Variants in PDE10A observed in about 807,000 individuals in gnomAD.
PDE10A encodes cAMP and cAMP-inhibited cGMP 3',5'-cyclic phosphodiesterase 10A.
PDE10A carries 39 observed loss-of-function variants against 97.7 expected under a neutral mutation model. The observed-to-expected ratio is 0.40, with a 90% CI of 0.31 to 0.52. The LOEUF is 0.52. Among genes scored for constraint, PDE10A ranks in the 20% least tolerant of loss-of-function variants. The probability of loss-of-function intolerance (pLI) is 0.56; values close to 1 mark genes in which losing one functional copy is unlikely to be tolerated. For synonymous variants in PDE10A, 371 were observed against 376.8 expected (o/e 0.98, Z 0.18); for missense variants, 731 against 1,047.8 (o/e 0.70, Z 4.17).
intron 1 of PDE10A, among the ~76,000 whole-genome samples, chr6:165,712,930 G>A (rs1267549656): frequency 6.6e-6 from 1 of 152,154 alleles, no homozygotes; most frequent in Non-Finnish European, 1.5e-5. Context: ...ATGAGCCACC[G>A]CACCCGGCCC....
At chr6:165,589,257 A>C (rs1786104674) in intron 1 of PDE10A, among the ~76,000 whole-genome samples, 2 of 152,216 alleles carry the variant, frequency 1.3e-5, no homozygotes, top group Admixed American at 6.5e-5. Flanking sequence ...AATGACAATG[A>C]GTATCAGCTG....
At chr6:165,932,439 G>A (rs896012680) in intron 1 of PDE10A, among the ~76,000 whole-genome samples, 6 of 151,974 alleles carry the variant, frequency 3.9e-5, no homozygotes, top group Non-Finnish European at 8.8e-5. Context: ...GAGTTCAAGC[G>A]ATTCTCCTGT....
chr6:165,599,563 T>C (rs1192568062), intron 1 of PDE10A, among the ~76,000 whole-genome samples: 1 of 152,228 alleles, frequency 6.6e-6, no homozygotes, highest in Non-Finnish European at 1.5e-5. Context: ...AAATATAAGG[T>C]ATGCCTCAAT....
At chr6:165,827,330 C>T (rs1779791025) in intron 1 of PDE10A, among the ~76,000 whole-genome samples, 1 of 152,150 alleles carries the variant, frequency 6.6e-6, no homozygotes, top group African/African-American at 2.4e-5. Flanking sequence ...ACCCGGTGTC[C>T]AGCTCGAGAC....
chr6:165,396,234 C>A (rs1786147673), intron 14 of PDE10A, 83 bp downstream of exon 14: 3 of 1,305,956 alleles, frequency 2.3e-6, no homozygotes, highest in Non-Finnish European at 3.2e-6. Flanking sequence ...ATAATTGTGA[C>A]TCTAATTCTA....
chr6:165,751,973 A>G (rs1272567261), intron 1 of PDE10A, among the ~76,000 whole-genome samples: 2 of 151,684 alleles, frequency 1.3e-5, no homozygotes, highest in African/African-American at 4.8e-5. Flanking sequence ...CCCCATGTCT[A>G]CTAAAAAAAA....
Position 165,379,195 on chromosome 6 carries a change from T to G in PDE10A, c.2782A>C (p.Arg928=). The change falls in exon 18 of 22, where the codon AGA becomes CGA. Residue 928 remains arginine, a splice_region_variant and synonymous_variant. Coordinates refer to ENST00000539869, the MANE Select transcript of PDE10A (RefSeq NM_001385079.1). ...GSLNLNNQSH[R]DRVIGLMMTA... is the part of the protein sequence containing the mutation. ...TAAGCTTTTAAAAATTATTTTTACC[T>G]ATGTGATTGATTATTAAGGTTTAGT... 6.3e-7 allele frequency: 1 copy of G among 1,595,206 alleles called. No individual in the cohort carries two copies. The highest frequency in any genetic ancestry group is 1.1e-5 in the South Asian group (1 of 88,112).
chr6:165,355,066 C>T (rs1400177869), intron 18 of PDE10A, among the ~76,000 whole-genome samples: 1 of 152,126 alleles, frequency 6.6e-6, no homozygotes, highest in Non-Finnish European at 1.5e-5. Context: ...GATAAGATCT[C>T]ACTTGGTGAA....
chr6:165,669,302 G>T (rs1790582559), intron 1 of PDE10A, among the ~76,000 whole-genome samples: 1 of 152,204 alleles, frequency 6.6e-6, no homozygotes, highest in African/African-American at 2.4e-5. Context: ...GGAAGGGGCA[G>T]TTCAGACGAG....
chr6:165,480,085 T>C (rs948561224), intron 3 of PDE10A, among the ~76,000 whole-genome samples: 2 of 152,192 alleles, frequency 1.3e-5, no homozygotes, highest in African/African-American at 2.4e-5. Context: ...ATATTAATAA[T>C]ATATAGTTTG....
intron 18 of PDE10A, among the ~76,000 whole-genome samples, chr6:165,365,550 A>G (rs1285414310): frequency 6.6e-6 from 1 of 152,088 alleles, no homozygotes; most frequent in Non-Finnish European, 1.5e-5. Flanking sequence ...CTCAACAAAT[A>G]ATGACAAAAA....
At chr6:165,740,559 T>G (rs1170214109) in intron 1 of PDE10A, among the ~76,000 whole-genome samples, 2 of 152,138 alleles carry the variant, frequency 1.3e-5, no homozygotes, top group Non-Finnish European at 2.9e-5. Context: ...AATCTCCATC[T>G]CCTGACCTCG....
chr6:165,653,325 C>G (rs1008983550), intron 1 of PDE10A, among the ~76,000 whole-genome samples: 3 of 152,234 alleles, frequency 2.0e-5, no homozygotes. Flanking sequence ...GAGACAAACA[C>G]GAAAGCAGAC....
At chr6:165,892,384 C>T (rs1379080464) in intron 1 of PDE10A, among the ~76,000 whole-genome samples, 1 of 152,224 alleles carries the variant, frequency 6.6e-6, no homozygotes, top group Non-Finnish European at 1.5e-5. Flanking sequence ...AGAATCCACT[C>T]GCCTTCCACA....
At chr6:165,855,391 G>A (rs1780703260) in intron 1 of PDE10A, among the ~76,000 whole-genome samples, 1 of 151,320 alleles carries the variant, frequency 6.6e-6, no homozygotes, top group African/African-American at 2.4e-5. Flanking sequence ...CCATGGTCAG[G>A]CCGCGGACTG....
intron 2 of PDE10A, among the ~76,000 whole-genome samples, chr6:165,517,335 A>G (rs775320173): frequency 3.3e-5 from 5 of 152,204 alleles, no homozygotes; most frequent in Non-Finnish European, 5.9e-5. Flanking sequence ...AATAAGATTT[A>G]GTTTATCATT....
At chr6:165,521,283 G>A (rs1446673673) in intron 2 of PDE10A, among the ~76,000 whole-genome samples, 1 of 151,992 alleles carries the variant, frequency 6.6e-6, no homozygotes, top group Non-Finnish European at 1.5e-5. Flanking sequence ...CTTATTCCCT[G>A]AGACACAACA....
At chr6:165,930,718 C>T (rs1783105649) in intron 1 of PDE10A, among the ~76,000 whole-genome samples, 1 of 152,230 alleles carries the variant, frequency 6.6e-6, no homozygotes, top group African/African-American at 2.4e-5. Context: ...TTCCATAAAG[C>T]AACTTACTTG....
chr6:165,835,972 C>A (rs1780054335), intron 1 of PDE10A, among the ~76,000 whole-genome samples: 1 of 152,204 alleles, frequency 6.6e-6, no homozygotes, highest in African/African-American at 2.4e-5. Flanking sequence ...TGTCTCCCAG[C>A]TGAACTTGTC....
Sources: gnomAD v4.1 joint callset for allele counts (sites outside exome capture counted in the v4.1 genomes callset) on GRCh38, gnomAD v4.1.1 for gene constraint, MANE v1.5 for transcripts, NCBI Gene and HGNC (gene_info 2026-07-23, HGNC 2026-07-21) for gene names.